SUGCT: variants seen among roughly 807,000 people sequenced by gnomAD.
SUGCT encodes the protein succinyl-CoA:glutarate-CoA transferase.
Under a neutral mutation model 55.0 loss-of-function variants are expected in SUGCT, and 41 were observed. That is an observed-to-expected ratio of 0.74 (90% CI 0.58 to 0.97). SUGCT has a LOEUF of 0.97. Among genes scored for constraint, SUGCT ranks in the 50% least tolerant of loss-of-function variants. The probability of loss-of-function intolerance (pLI) is 0.00; values close to 1 mark genes in which losing one functional copy is unlikely to be tolerated. For synonymous variants in SUGCT, 187 were observed against 200.4 expected (o/e 0.93, Z 0.56); for missense variants, 568 against 547.8 (o/e 1.04, Z -0.37).
chr7:40,551,016 C>A (rs1795267803), intron 12 of SUGCT, among the ~76,000 whole-genome samples: 1 of 152,172 alleles, frequency 6.6e-6, no homozygotes, highest in South Asian at 2.1e-4. Flanking sequence ...CTTCTCCCTG[C>A]CTTCCCTCAG....
At chr7:40,984,679 CGGCTACCATTTTACAAT>C in the SUGCT span, among the ~76,000 whole-genome samples, 1 of 152,164 alleles carries the variant, frequency 6.6e-6, no homozygotes, top group Non-Finnish European at 1.5e-5. Flanking sequence ...TATATTCCGA[CGGCTACCATTTTACAAT>C]GGCATTGAGT....
In SUGCT at chr7:40,588,768, A is replaced by G. The variant is rs115678268; in HGVS notation, c.1089+92382A>G. Among the ~76,000 whole-genome samples, 165 of 152,312 alleles carry G rather than the reference A, an allele frequency of 1.1e-3. 1 individual carries two copies. Among genetic ancestry groups the G allele is most frequent in the African/African-American group, 3.8e-3 (158 of 41,576 alleles). On this transcript the variant is annotated intron_variant, in intron 12 of 13. Coordinates refer to ENST00000335693, the MANE Select transcript of SUGCT (RefSeq NM_001193313.2). ...AATTACAGGATATGTTATTCTTTGAATGAATTTCATCTACTATTGTGGAAT... is the reference window on the plus strand; with the variant it reads ...AATTACAGGATATGTTATTCTTTGAGTGAATTTCATCTACTATTGTGGAAT...
chr7:40,600,895 G>A (rs1222465679), intron 12 of SUGCT, among the ~76,000 whole-genome samples: 1 of 151,906 alleles, frequency 6.6e-6, no homozygotes, highest in African/African-American at 2.4e-5. Context: ...GGGGGAGGGG[G>A]CAGTTAAGTA....
At chr7:41,011,229 G>A in the SUGCT span, among the ~76,000 whole-genome samples, 35 of 152,312 alleles carry the variant, frequency 2.3e-4, no homozygotes, top group East Asian at 6.4e-3. Flanking sequence ...CAGGCAGAGG[G>A]AGGCGGATAG....
intron 9 of SUGCT, among the ~76,000 whole-genome samples, chr7:40,317,631 T>A (rs967031765): frequency 2.0e-5 from 3 of 152,100 alleles, no homozygotes; most frequent in African/African-American, 7.2e-5. Context: ...AATGAATGAG[T>A]GAATTTTACT....
At chr7:40,291,744 C>T (rs1038609653) in intron 8 of SUGCT, among the ~76,000 whole-genome samples, 1 of 152,002 alleles carries the variant, frequency 6.6e-6, no homozygotes, top group African/African-American at 2.4e-5. Flanking sequence ...GTACTATGCT[C>T]ACCTATTTCT....
intron 13 of SUGCT, among the ~76,000 whole-genome samples, chr7:40,795,359 G>A (rs955086069): frequency 2.1e-4 from 32 of 152,218 alleles, no homozygotes; most frequent in African/African-American, 7.2e-4. Flanking sequence ...ACTATTTCCA[G>A]TAGGACCCCA....
At chr7:41,017,415 C>G in the SUGCT span, among the ~76,000 whole-genome samples, 1 of 152,294 alleles carries the variant, frequency 6.6e-6, no homozygotes, top group Middle Eastern at 3.4e-3. Flanking sequence ...ACTTGTCAGT[C>G]CCCTTCTTCA....
At chr7:40,870,243 G>C in the SUGCT span, among the ~76,000 whole-genome samples, 4 of 151,944 alleles carry the variant, frequency 2.6e-5, no homozygotes, top group Non-Finnish European at 4.4e-5. Flanking sequence ...CTCTCTGTGG[G>C]GGCTTTAGAA....
At chr7:40,476,332 T>C (rs1790672392) in intron 11 of SUGCT, among the ~76,000 whole-genome samples, 1 of 152,158 alleles carries the variant, frequency 6.6e-6, no homozygotes, top group South Asian at 2.1e-4. Context: ...TGCTTACAGT[T>C]AGTGGAGCAC....
chr7:40,645,617 C>T (rs1800465819), intron 12 of SUGCT, among the ~76,000 whole-genome samples: 1 of 152,124 alleles, frequency 6.6e-6, no homozygotes. Context: ...CATGGTAGAC[C>T]ACAGACACCT....
chr7:40,625,926 G>A (rs185000194), intron 12 of SUGCT, among the ~76,000 whole-genome samples: 15 of 152,300 alleles, frequency 9.8e-5, no homozygotes, highest in East Asian at 7.7e-4. Context: ...ATCAAGCATG[G>A]TGTGAAGCAC....
the SUGCT span, among the ~76,000 whole-genome samples, chr7:40,873,088 C>T: frequency 6.6e-6 from 1 of 152,092 alleles, no homozygotes; most frequent in Non-Finnish European, 1.5e-5. Flanking sequence ...AGGGTCTTCT[C>T]TACAATATGG....
chr7:40,881,225 G>C, the SUGCT span, among the ~76,000 whole-genome samples: 1 of 152,076 alleles, frequency 6.6e-6, no homozygotes, highest in Non-Finnish European at 1.5e-5. Flanking sequence ...CCAAAGCCTT[G>C]GCTAGTTTGA....
At chr7:40,683,537 A>G (rs993684341) in intron 12 of SUGCT, among the ~76,000 whole-genome samples, 1 of 152,178 alleles carries the variant, frequency 6.6e-6, no homozygotes, top group African/African-American at 2.4e-5. Flanking sequence ...TGGTTGTTTG[A>G]AGTTCCCTTT....
At chr7:40,415,325 G>C (rs1355804611) in intron 9 of SUGCT, among the ~76,000 whole-genome samples, 1 of 149,716 alleles carries the variant, frequency 6.7e-6, no homozygotes, top group Non-Finnish European at 1.5e-5. Flanking sequence ...GCATAGCAAT[G>C]CTATTTTAGT....
intron 9 of SUGCT, among the ~76,000 whole-genome samples, chr7:40,372,750 A>G (rs1159722432): frequency 6.6e-6 from 1 of 152,082 alleles, no homozygotes; most frequent in Admixed American, 6.6e-5. Context: ...AATGTTCTCT[A>G]ACAGAATGGA....
chr7:40,605,207 A>G, intron 12 of SUGCT, among the ~76,000 whole-genome samples: 1 of 152,148 alleles, frequency 6.6e-6, no homozygotes, highest in East Asian at 1.9e-4. Context: ...ACAAATGATA[A>G]CTTACTTTAT....
intron 9 of SUGCT, among the ~76,000 whole-genome samples, chr7:40,369,926 G>C (rs1784204710): frequency 1.3e-5 from 2 of 152,126 alleles, no homozygotes; most frequent in African/African-American, 4.8e-5. Context: ...TTATGGTCAG[G>C]CCCTAGTGCT....
Sources: gnomAD v4.1 joint callset for allele counts (sites outside exome capture counted in the v4.1 genomes callset) on GRCh38, gnomAD v4.1.1 for gene constraint, MANE v1.5 for transcripts, NCBI Gene and HGNC (gene_info 2026-07-23, HGNC 2026-07-21) for gene names.